Variants in GRAMD2B observed in about 807,000 individuals in gnomAD.
GRAMD2B encodes GRAM domain-containing protein 2B.
Under a neutral mutation model 59.2 loss-of-function variants are expected in GRAMD2B, and 41 were observed. The ratio of observed to expected loss-of-function variants is 0.69; its 90% CI spans 0.54 to 0.90. GRAMD2B has a LOEUF of 0.90. Ranked by LOEUF, GRAMD2B falls within the 40% of genes least tolerant of loss-of-function variation. The pLI, the probability that GRAMD2B is intolerant of heterozygous loss-of-function variation, is 0.00. For missense variants in GRAMD2B, 424 were observed against 500.5 expected (o/e 0.85, Z 1.46); for synonymous variants, 161 against 182.7 (o/e 0.88, Z 0.96).
chr5:126,439,378 G>A lies in GRAMD2B; in HGVS notation c.83+15689G>A, dbSNP rs111241418. On this transcript the variant is annotated intron_variant, in intron 1 of 13. Coordinates refer to ENST00000285689, the MANE Select transcript of GRAMD2B (RefSeq NM_023927.4). ...GAGTCACTCTGTTGCCCAGGCTGAA[G>A]TGCAGTGGCATGACCTCAGCTCACT... Among the ~76,000 whole-genome samples the A allele has an allele frequency of 2.0e-3, 283 of 142,606 alleles. 1 individual carries two copies. Among genetic ancestry groups the A allele is most frequent in the African/African-American group, 7.3e-3 (269 of 36,872 alleles). The allele number at this position is 142,606 out of a possible 152,430, so 93.6% of individuals were successfully genotyped here. A position where few individuals can be genotyped will look rare whatever the true frequency, so the allele number is the denominator to read the frequency against.
chr5:126,491,858 C>T (rs1183076602), intron 13 of GRAMD2B, among the ~76,000 whole-genome samples: 2 of 152,126 alleles, frequency 1.3e-5, no homozygotes, highest in South Asian at 2.1e-4. Context: ...CTCAGCCTCC[C>T]AAGTAGCTGG....
Position 126,475,819 on chromosome 5 carries a change from C to T in GRAMD2B, c.487-1873C>T, listed in dbSNP as rs575792932. Among the ~76,000 whole-genome samples the T allele has an allele frequency of 2.0e-5, 3 of 152,184 alleles. No individual in the cohort carries two copies. The South Asian group carries it at 6.2e-4, about 32-fold the overall frequency. On this transcript the variant is annotated intron_variant, in intron 5 of 13. Transcript: ENST00000285689. Reference sequence around the variant, plus strand: ...ATCTCTACTAAAAATACAAAATTAGCTGGATGTGGCCGGGCGCAGTGGTTC... The same window carrying T: ...ATCTCTACTAAAAATACAAAATTAGTTGGATGTGGCCGGGCGCAGTGGTTC...
At chr5:126,472,170 G>A in intron 3 of GRAMD2B, 68 bp from the exon 4 acceptor site, 1 of 1,252,432 alleles carries the variant, frequency 8.0e-7, no homozygotes, top group Non-Finnish European at 1.2e-6. Context: ...ATTTGTTGTT[G>A]AAGTTGAATT....
At chr5:126,451,249 C>T (rs141527821) in intron 1 of GRAMD2B, among the ~76,000 whole-genome samples, 1,638 of 152,350 alleles carry the variant, frequency 0.011, 38 homozygotes, top group African/African-American at 0.038. Context: ...AAATAAATTT[C>T]TGTTGTTTAC....
rs992947006 is a variant in GRAMD2B at position 126,371,528 on chromosome 5, C to A, written c.86C>A (p.Ser29Ter). ...CCAAGGAAGGCCAACGTGGAGGCCT[C>A]ACGCAGCTCCACAGACAGCCCCAGC... Residue 29 changes from serine to a stop codon, truncating the protein, a stop_gained, in exon 1 of 9, where the codon TCA becomes TAA. Transcript: ENST00000506445. LOFTEE classifies it high-confidence loss of function. 3 of 1,289,116 alleles carry A rather than the reference C, an allele frequency of 2.3e-6. No homozygotes were observed. Among genetic ancestry groups the A allele is most frequent in the Non-Finnish European group, 2.0e-6 (2 of 988,782 alleles). 79.9% of individuals were successfully genotyped at this position (1,289,116 alleles called of 1,614,324 possible).
intron 1 of GRAMD2B, among the ~76,000 whole-genome samples, chr5:126,412,559 C>A (rs1013543048): frequency 1.3e-5 from 2 of 151,872 alleles, no homozygotes; most frequent in South Asian, 2.1e-4. Flanking sequence ...GGGATATTGG[C>A]CTATAGTTTT....
At chr5:126,482,848 G>A (rs563074629) in intron 8 of GRAMD2B, among the ~76,000 whole-genome samples, 6 of 152,220 alleles carry the variant, frequency 3.9e-5, no homozygotes, top group Admixed American at 2.0e-4. Flanking sequence ...GCACTTTGGG[G>A]AACCAGTAGA....
intron 5 of GRAMD2B, among the ~76,000 whole-genome samples, chr5:126,477,152 A>T (rs1473301780): frequency 6.6e-6 from 1 of 152,254 alleles, no homozygotes; most frequent in Non-Finnish European, 1.5e-5. Flanking sequence ...CAATATCAGC[A>T]TTCAAAAACT....
intron 1 of GRAMD2B, among the ~76,000 whole-genome samples, chr5:126,450,383 T>TTC (rs138947465): frequency 6.6e-6 from 1 of 151,334 alleles, no homozygotes; most frequent in Admixed American, 6.6e-5. Flanking sequence ...GCATAATATA[T>TTC]TCTCTCTCTC....
At chr5:126,472,431 C>A in intron 4 of GRAMD2B, 127 bp downstream of exon 4, 1 of 674,256 alleles carries the variant, frequency 1.5e-6, no homozygotes, top group Admixed American at 2.6e-5. Flanking sequence ...AAAGTAATAA[C>A]ATAACAATAA....
At chr5:126,472,663 C>T (rs1581198597) in intron 4 of GRAMD2B, among the ~76,000 whole-genome samples, 1 of 96,688 alleles carries the variant, frequency 1.0e-5, no homozygotes, top group African/African-American at 3.0e-5. Context: ...AACTCACATC[C>T]TTAGACATGG....
chr5:126,388,759 G>A (rs2149714760), intron 1 of GRAMD2B, among the ~76,000 whole-genome samples: 1 of 151,124 alleles, frequency 6.6e-6, no homozygotes, highest in East Asian at 2.0e-4. Flanking sequence ...TCCTTCTTAA[G>A]AGAAAAAAAA....
rs145930430 is a variant in GRAMD2B, at chr5:126,415,486, A to T, written c.125+43919A>T. ...GACATGTAAAAGGCATGCAAAAAAAATGTTTTTGGGAGGAAGGAAGCCAGG... is the reference window on the plus strand; with the variant it reads ...GACATGTAAAAGGCATGCAAAAAAATTGTTTTTGGGAGGAAGGAAGCCAGG... On this transcript the variant is annotated intron_variant, in intron 1 of 8. Coordinates refer to the GRAMD2B transcript ENST00000506445. 9.5e-4 allele frequency among the ~76,000 whole-genome samples: 145 copies of T among 152,176 alleles called. 2 individuals are homozygous for T. The East Asian group carries it at 0.026, about 27-fold the overall frequency.
chr5:126,403,639 C>T (rs1264118026), intron 1 of GRAMD2B, among the ~76,000 whole-genome samples: 1 of 151,864 alleles, frequency 6.6e-6, no homozygotes, highest in African/African-American at 2.4e-5. Flanking sequence ...ATAAACTCAT[C>T]TTAATGTAAA....
intron 1 of GRAMD2B, among the ~76,000 whole-genome samples, chr5:126,448,978 G>A (rs1434588791): frequency 2.0e-5 from 3 of 152,180 alleles, no homozygotes; most frequent in Admixed American, 1.3e-4. Context: ...TTTTTGAACG[G>A]CAAAGCACCA....
intron 1 of GRAMD2B, among the ~76,000 whole-genome samples, chr5:126,374,163 T>C (rs1393543365): frequency 6.6e-6 from 1 of 152,232 alleles, no homozygotes; most frequent in Non-Finnish European, 1.5e-5. Flanking sequence ...CCAATGTCAT[T>C]CTGTGTTCCA....
chr5:126,364,770 C>T (rs1754365203), intron 1 of GRAMD2B, among the ~76,000 whole-genome samples: 1 of 152,228 alleles, frequency 6.6e-6, no homozygotes, highest in Admixed American at 6.5e-5. Context: ...TATCCTCTAT[C>T]ATCTAGTTTC....
At chr5:126,483,652 A>G in intron 9 of GRAMD2B, 78 bp downstream of exon 9, 2 of 712,610 alleles carry the variant, frequency 2.8e-6, no homozygotes, top group Non-Finnish European at 4.5e-6. Flanking sequence ...AAAAAAAAAA[A>G]GAAAAGAAAA....
rs890558638 is a variant in GRAMD2B at position 126,423,795 on chromosome 5, A to G, written c.83+106A>G. On this transcript the variant is annotated intron_variant, in intron 1 of 13. Coordinates refer to ENST00000285689, the MANE Select transcript of GRAMD2B (RefSeq NM_023927.4). ...GTGGATGCGGATTTCTGGAGCTCCT[A>G]TATGGACAATCTTGTGGCGCGCTCT... 5.6e-6 allele frequency: 6 copies of G among 1,072,212 alleles called. No individual in the cohort carries two copies. The African/African-American group carries it at 8.3e-5, about 15-fold the overall frequency. The allele number at this position is 1,072,212 out of a possible 1,614,324, so 66.4% of individuals were successfully genotyped here. A position where few individuals can be genotyped will look rare whatever the true frequency, so the allele number is the denominator to read the frequency against.
Sources: allele counts gnomAD v4.1 joint callset (sites outside exome capture counted in the v4.1 genomes callset), GRCh38; gene constraint gnomAD v4.1.1; transcripts MANE v1.5; gene names NCBI Gene and HGNC (gene_info 2026-07-23, HGNC 2026-07-21).